The following SHISA9 variants were observed in gnomAD, a reference collection of about 807,000 sequenced individuals.
SHISA9 encodes the protein protein shisa-9.
A neutral mutation model predicts 38.0 loss-of-function variants in SHISA9; 13 were observed. The ratio of observed to expected loss-of-function variants is 0.34; its 90% confidence interval spans 0.22 to 0.54. The LOEUF (loss-of-function observed/expected upper bound fraction) is 0.54, where lower values mean the gene tolerates loss of function less well. SHISA9 is among the 20% of genes least tolerant of loss of function. SHISA9 has a pLI of 0.91. For synonymous variants in SHISA9, 275 were observed against 242.0 expected (o/e 1.14, Z -1.27); for missense variants, 538 against 575.8 (o/e 0.93, Z 0.67).
chr16:13,059,534 G>A (rs1276592180), intron 2 of SHISA9, among the ~76,000 whole-genome samples: 1 of 152,088 alleles, frequency 6.6e-6, no homozygotes, highest in East Asian at 1.9e-4. Context: ...GGTGGGGAGG[G>A]AGAGCATCAG....
At chr16:12,925,473 G>GTGTGTGTGTGTGTGTGTGTGTGTGTA (rs113968316) in intron 2 of SHISA9, among the ~76,000 whole-genome samples, 2 of 150,490 alleles carry the variant, frequency 1.3e-5, no homozygotes, top group Non-Finnish European at 3.0e-5. Context: ...GTGTGTGTGT[G>GTGTGTGTGTGTGTGTGTGTGTGTGTA]CAAGCAACAG....
At chr16:13,305,866 G>A in the SHISA9 span, among the ~76,000 whole-genome samples, 1 of 152,182 alleles carries the variant, frequency 6.6e-6, no homozygotes, top group African/African-American at 2.4e-5. Context: ...TTGTTAAATG[G>A]AAATAGACAA....
At chr16:12,933,355 C>T (rs1277691015) in intron 2 of SHISA9, among the ~76,000 whole-genome samples, 1 of 151,634 alleles carries the variant, frequency 6.6e-6, no homozygotes, top group Non-Finnish European at 1.5e-5. Context: ...AGTGCAGTGG[C>T]TCGATCTTGG....
chr16:13,146,661 T>C (rs1261092577), intron 2 of SHISA9, among the ~76,000 whole-genome samples: 1 of 152,198 alleles, frequency 6.6e-6, no homozygotes, highest in Non-Finnish European at 1.5e-5. Context: ...TTTGAGATGG[T>C]TTATTATATG....
intron 2 of SHISA9, among the ~76,000 whole-genome samples, chr16:12,932,819 A>G (rs1354862691): frequency 2.0e-5 from 3 of 152,180 alleles, no homozygotes; most frequent in South Asian, 2.1e-4. Context: ...GGCTCCCTGC[A>G]GTGGAGTGTT....
At chr16:13,397,510 C>T in the SHISA9 span, among the ~76,000 whole-genome samples, 2 of 152,210 alleles carry the variant, frequency 1.3e-5, no homozygotes, top group African/African-American at 4.8e-5. Context: ...TCTTGGCTTA[C>T]TGCAATCTTC....
At chr16:12,934,928 G>C (rs56256121) in intron 2 of SHISA9, among the ~76,000 whole-genome samples, 1 of 152,184 alleles carries the variant, frequency 6.6e-6, no homozygotes, top group African/African-American at 2.4e-5. Flanking sequence ...AGGAACGTCT[G>C]ATGGTCCAAG....
chr16:13,455,841 A>G, the SHISA9 span, among the ~76,000 whole-genome samples: 6 of 152,224 alleles, frequency 3.9e-5, no homozygotes, highest in East Asian at 1.9e-4. Context: ...AGGGAAGTTG[A>G]TATGGAGCTA....
intron 1 of SHISA9, among the ~76,000 whole-genome samples, chr16:12,913,639 A>G (rs2071214992): frequency 1.3e-5 from 2 of 152,216 alleles, no homozygotes; most frequent in East Asian, 1.9e-4. Context: ...CTTACAAAAA[A>G]AATCCATATC....
At chr16:13,190,614 C>T (rs551488124) in intron 2 of SHISA9, among the ~76,000 whole-genome samples, 3 of 152,272 alleles carry the variant, frequency 2.0e-5, no homozygotes, top group African/African-American at 4.8e-5. Context: ...CATCATTCAC[C>T]GTTGCTGGTT....
chr16:12,969,605 G>T (rs1297783113), intron 2 of SHISA9, among the ~76,000 whole-genome samples: 1 of 152,070 alleles, frequency 6.6e-6, no homozygotes, highest in East Asian at 1.9e-4. Context: ...AAATTAGCTG[G>T]GAGTAGTGGA....
intron 2 of SHISA9, among the ~76,000 whole-genome samples, chr16:12,976,759 A>G (rs1455562229): frequency 2.0e-5 from 3 of 152,102 alleles, no homozygotes; most frequent in Admixed American, 6.5e-5. Context: ...GCAAAACATC[A>G]TGGTTGAGTT....
the SHISA9 span, among the ~76,000 whole-genome samples, chr16:13,354,753 T>C: frequency 9.2e-5 from 14 of 151,946 alleles, no homozygotes; most frequent in African/African-American, 1.9e-4. Context: ...GAATTCTGAC[T>C]GCGCTAACCA....
At chr16:13,277,672 T>C in the SHISA9 span, among the ~76,000 whole-genome samples, 1 of 151,976 alleles carries the variant, frequency 6.6e-6, no homozygotes, top group Non-Finnish European at 1.5e-5. Flanking sequence ...TTTTTTTCTT[T>C]TTTTGCAGCT....
chr16:13,453,461 A>G, the SHISA9 span, among the ~76,000 whole-genome samples: 1 of 152,174 alleles, frequency 6.6e-6, no homozygotes, highest in Non-Finnish European at 1.5e-5. Flanking sequence ...TGCCTTCTCA[A>G]TGCAACTGGC....
the SHISA9 span, among the ~76,000 whole-genome samples, chr16:13,362,496 G>A: frequency 1.3e-5 from 2 of 152,240 alleles, no homozygotes; most frequent in East Asian, 1.9e-4. Context: ...AGATGGGGGA[G>A]CTGAAGAGGA....
chr16:13,188,133 C>A lies in SHISA9; in HGVS notation c.692-15261C>A, dbSNP rs2050846288. Among the ~76,000 whole-genome samples, 4 of 152,124 alleles carry A rather than the reference C, an allele frequency of 2.6e-5. No homozygotes were observed. In the South Asian group the frequency reaches 6.2e-4, roughly 24 times the overall value. On this transcript the variant is annotated intron_variant, in intron 2 of 4. Coordinates refer to ENST00000558583, the MANE Select transcript of SHISA9 (RefSeq NM_001145204.3). ...TTGCTGTCCCAGGCATCAAATGGTC[C>A]ATAAACAAAACACTTACCCACTGCA...
At chr16:13,196,867 G>C (rs2819687) in intron 2 of SHISA9, among the ~76,000 whole-genome samples, 78,241 of 151,684 alleles carry the variant, frequency 0.52, 21,374 homozygotes, top group African/African-American at 0.71. Flanking sequence ...ACTGAGGCAG[G>C]CAGGTCACCT....
intron 2 of SHISA9, among the ~76,000 whole-genome samples, chr16:13,175,224 A>G (rs1412683965): frequency 6.6e-6 from 1 of 151,986 alleles, no homozygotes; most frequent in African/African-American, 2.4e-5. Context: ...GAAAGAAAAA[A>G]AAAGAAAAGA....
Sources: gnomAD v4.1 joint callset for allele counts (sites outside exome capture counted in the v4.1 genomes callset) on GRCh38, gnomAD v4.1.1 for gene constraint, MANE v1.5 for transcripts, NCBI Gene and HGNC (gene_info 2026-07-23, HGNC 2026-07-21) for gene names.